SCFD2: variants seen among roughly 807,000 people sequenced by gnomAD.
The protein encoded by SCFD2 is sec1 family domain-containing protein 2.
SCFD2 carries 54 observed loss-of-function variants against 58.9 expected under a neutral mutation model. The ratio of observed to expected loss-of-function variants is 0.92; its 90% CI spans 0.74 to 1.15. SCFD2 has a LOEUF of 1.15. SCFD2 is among the 50% of genes most tolerant of loss of function. The probability of loss-of-function intolerance (pLI) is 0.00; values close to 1 mark genes in which losing one functional copy is unlikely to be tolerated. For synonymous variants in SCFD2, 321 were observed against 335.9 expected, an observed-to-expected ratio of 0.96 and a Z score of 0.49; for missense variants, 805 against 836.6, an observed-to-expected ratio of 0.96 and a Z score of 0.47.
Position 53,097,599 on chromosome 4 carries a change from C to A in SCFD2, c.1561+47734G>T, listed in dbSNP as rs568035169. Among the ~76,000 whole-genome samples the A allele has an allele frequency of 5.9e-5, 9 of 152,298 alleles. No individual in the cohort carries two copies. The East Asian group carries it at 1.7e-3, about 29-fold the overall frequency. ...AGACTTTGCTGAAGTTGCTTATCAG[C>A]TGAAGGAGATTTTGGGCTGAGACGA... On this transcript the variant is annotated intron_variant, in intron 5 of 8. Coordinates refer to ENST00000401642, the MANE Select transcript of SCFD2 (RefSeq NM_152540.4).
intron 5 of SCFD2, among the ~76,000 whole-genome samples, chr4:53,111,854 G>A (rs1280865518): frequency 6.6e-6 from 1 of 152,086 alleles, no homozygotes; most frequent in Admixed American, 6.6e-5. Flanking sequence ...ATTATTGAGT[G>A]TATTAGGGAG....
At chr4:53,009,857 A>G (rs1722057672) in intron 5 of SCFD2, among the ~76,000 whole-genome samples, 1 of 152,216 alleles carries the variant, frequency 6.6e-6, no homozygotes, top group African/African-American at 2.4e-5. Context: ...CACACATTCC[A>G]GGTGGGAACA....
At chr4:53,045,505 G>A (rs1044510163) in intron 5 of SCFD2, among the ~76,000 whole-genome samples, 22 of 151,700 alleles carry the variant, frequency 1.5e-4, no homozygotes, top group East Asian at 5.8e-4. Flanking sequence ...TTATTATTTC[G>A]TATACTATAC....
intron 2 of SCFD2, among the ~76,000 whole-genome samples, chr4:53,319,242 C>T (rs1732953799): frequency 6.6e-6 from 1 of 152,196 alleles, no homozygotes; most frequent in South Asian, 2.1e-4. Flanking sequence ...GAACTCTGCA[C>T]ACTTTTGTTT....
At chr4:52,967,881 C>T (rs1720996511) in intron 5 of SCFD2, among the ~76,000 whole-genome samples, 1 of 152,174 alleles carries the variant, frequency 6.6e-6, no homozygotes, top group Admixed American at 6.5e-5. Context: ...TATGTCATTC[C>T]CATCAGTGTT....
In SCFD2 at chr4:53,014,349, G is replaced by T. The variant is rs577909897; in HGVS notation, c.1562-93479C>A. ...AAGGGGAGGTTAGAAAGGGATTATAGTCAGAGTCTCTGATTTTCACTGGCC... is the reference window on the plus strand; with the variant it reads ...AAGGGGAGGTTAGAAAGGGATTATATTCAGAGTCTCTGATTTTCACTGGCC... On this transcript the variant is annotated intron_variant, in intron 5 of 8. Coordinates refer to ENST00000401642, the MANE Select transcript of SCFD2 (RefSeq NM_152540.4). Among the ~76,000 whole-genome samples the T allele has an allele frequency of 2.0e-5, 3 of 152,336 alleles. No individual in the cohort carries two copies. In the South Asian group the frequency reaches 6.2e-4, roughly 32 times the overall value.
chr4:53,146,642 A>T (rs1365039168), intron 4 of SCFD2, among the ~76,000 whole-genome samples: 1 of 152,176 alleles, frequency 6.6e-6, no homozygotes, highest in Non-Finnish European at 1.5e-5. Context: ...AAGCAAAAGA[A>T]GTAAAACATA....
intron 5 of SCFD2, among the ~76,000 whole-genome samples, chr4:53,131,218 A>G (rs1725778134): frequency 6.6e-6 from 1 of 152,252 alleles, no homozygotes; most frequent in African/African-American, 2.4e-5. Flanking sequence ...AATAATAGAT[A>G]AAAAAGCTTA....
At chr4:52,936,479 A>G (rs1383896946) in intron 5 of SCFD2, among the ~76,000 whole-genome samples, 1 of 152,208 alleles carries the variant, frequency 6.6e-6, no homozygotes. Context: ...TTACAAGGTC[A>G]GCCACAGTAC....
At chr4:52,986,111 A>T (rs534769455) in intron 5 of SCFD2, among the ~76,000 whole-genome samples, 1 of 152,080 alleles carries the variant, frequency 6.6e-6, no homozygotes, top group Non-Finnish European at 1.5e-5. Flanking sequence ...CTGGGGCTGG[A>T]GGCTGGCTTC....
intron 5 of SCFD2, among the ~76,000 whole-genome samples, chr4:53,083,593 C>A (rs904735121): frequency 2.0e-5 from 3 of 152,120 alleles, no homozygotes; most frequent in Non-Finnish European, 2.9e-5. Flanking sequence ...TTAAAAAGAT[C>A]ATTCATCATT....
At chr4:53,240,184 G>A (rs867413106) in intron 4 of SCFD2, among the ~76,000 whole-genome samples, 19 of 152,216 alleles carry the variant, frequency 1.2e-4, no homozygotes, top group African/African-American at 3.6e-4. Flanking sequence ...ATATGAAGTC[G>A]GGCCCAGGTC....
At chr4:53,009,001 A>G (rs1226578551) in intron 5 of SCFD2, among the ~76,000 whole-genome samples, 2 of 151,412 alleles carry the variant, frequency 1.3e-5, no homozygotes, top group Admixed American at 6.6e-5. Flanking sequence ...GGTCTTAACA[A>G]CCCCTCTAAA....
intron 4 of SCFD2, among the ~76,000 whole-genome samples, chr4:53,196,119 A>G (rs1337206469): frequency 1.3e-5 from 2 of 152,156 alleles, no homozygotes; most frequent in Non-Finnish European, 2.9e-5. Flanking sequence ...ACTTCATGTA[A>G]TTACTTTGTC....
At chr4:52,980,755 T>A (rs1721358948) in intron 5 of SCFD2, among the ~76,000 whole-genome samples, 1 of 152,194 alleles carries the variant, frequency 6.6e-6, no homozygotes, top group East Asian at 1.9e-4. Flanking sequence ...GTAAATATTA[T>A]TTACTCATGA....
intron 1 of SCFD2, among the ~76,000 whole-genome samples, chr4:53,357,845 A>G (rs73250957): frequency 0.17 from 25,282 of 152,134 alleles, 2,654 homozygotes; most frequent in Admixed American, 0.27. Flanking sequence ...TCTACTGTGC[A>G]GGACAACAGT....
intron 5 of SCFD2, among the ~76,000 whole-genome samples, chr4:53,036,931 T>C (rs573687731): frequency 4.6e-5 from 7 of 152,118 alleles, no homozygotes; most frequent in Admixed American, 1.3e-4. Context: ...AGCTCAGTGA[T>C]TGCCAAGGGC....
At chr4:53,113,208 C>T (rs141987966) in intron 5 of SCFD2, among the ~76,000 whole-genome samples, 29 of 152,212 alleles carry the variant, frequency 1.9e-4, no homozygotes, top group African/African-American at 7.0e-4. Context: ...AGTGCCACTC[C>T]TCAAATATTT....
intron 5 of SCFD2, among the ~76,000 whole-genome samples, chr4:53,018,786 G>C (rs745539957): frequency 6.6e-5 from 10 of 152,148 alleles, no homozygotes; most frequent in Non-Finnish European, 1.5e-4. Context: ...GAACAAGACA[G>C]TGCATGTGTT....
Sources: gnomAD v4.1 joint callset for allele counts (sites outside exome capture counted in the v4.1 genomes callset) on GRCh38, gnomAD v4.1.1 for gene constraint, MANE v1.5 for transcripts, NCBI Gene and HGNC (gene_info 2026-07-23, HGNC 2026-07-21) for gene names.